The following MYO18A variants were observed in gnomAD, a reference collection of about 807,000 sequenced individuals.
MYO18A encodes myosin XVIIIA.
Under a neutral mutation model 235.8 loss-of-function variants are expected in MYO18A, and 78 were observed. That is an observed-to-expected ratio of 0.33 (90% CI 0.28 to 0.40). The LOEUF (loss-of-function observed/expected upper bound fraction) is 0.40. Ranked by LOEUF, MYO18A falls within the 10% of genes least tolerant of loss-of-function variation. The pLI, the probability that MYO18A is intolerant of heterozygous loss-of-function variation, is 1.00. For missense variants in MYO18A, 2,215 were observed against 2,699.3 expected (o/e 0.82, Z 3.98); for synonymous variants, 977 against 1,077.8 (o/e 0.91, Z 1.83).
At chr17:29,100,477 G>T (rs1392683225) in intron 21 of MYO18A, among the ~76,000 whole-genome samples, 1 of 152,248 alleles carries the variant, frequency 6.6e-6, no homozygotes, top group African/African-American at 2.4e-5. Context: ...CTGTCATACA[G>T]GTTTGGGGGC....
In MYO18A at chr17:29,166,687, C is replaced by G; in HGVS notation, c.254G>C (p.Ser85Thr). ...DLHLTDIDSDSNRGSVILDSG... is the reference protein window; with the variant it reads ...DLHLTDIDSDTNRGSVILDSG... The stretch of plus-strand genomic sequence containing the variant: ...GTCCAGGATGACGCTGCCCCGGTTA[C>G]TATCGGAGTCAATGTCAGTCAGGTG... Residue 85 changes from serine to threonine, a missense_variant, in exon 2 of 42, where the codon AGT becomes ACT. By Grantham distance (58) the Ser-to-Thr change is moderately conservative (BLOSUM62 1). Transcript: ENST00000527372. 1 of 1,613,808 alleles carries G rather than the reference C, an allele frequency of 6.2e-7. No homozygotes were observed. The highest frequency in any genetic ancestry group is 1.1e-5 in the South Asian group (1 of 91,078).
Position 29,117,365 on chromosome 17 carries a change from C to T in MYO18A, c.2038+680G>A, listed in dbSNP as rs2067099054. 6.6e-6 allele frequency among the ~76,000 whole-genome samples: 1 copy of T among 152,152 alleles called. No individual in the cohort carries two copies. The highest frequency in any genetic ancestry group is 2.4e-5 in the African/African-American group (1 of 41,434). ...ATGCAAGAGGAAGATACGGAGCTAC[C>T]CAACCAGTGGAGAAGGGAAGAGGAC... On this transcript the variant is annotated intron_variant, in intron 10 of 41. Transcript: ENST00000527372. This position sits in a 1 kb window ranked among gnomAD's most constrained non-coding sequence, Gnocchi z 4.6.
intron 37 of MYO18A, among the ~76,000 whole-genome samples, chr17:29,089,419 C>CAA (rs56389977): frequency 0.15 from 3,678 of 23,738 alleles, 1,144 homozygotes; most frequent in Middle Eastern, 0.38. Context: ...GACTCTGTCT[C>CAA]AAAAAAAAAA....
At position 29,092,376 on chromosome 17, in the gene MYO18A, C is replaced by T. The variant is rs775216810; in HGVS notation, c.5154G>A (p.Leu1718=). 1.2e-6 allele frequency: 2 copies of T among 1,611,986 alleles called. No individual in the cohort carries two copies. Among genetic ancestry groups the T allele is most frequent in the South Asian group, 1.1e-5 (1 of 91,054 alleles). The part of the protein sequence containing the change: ...AMEVEIEDLH[L]QIDDIAKAKT... ...TGGCTTTGGCGATGTCATCAATCTG[C>T]AGGTGCAGGTCTTCGATCTCCACCT... Residue 1718 remains leucine, a synonymous_variant, in exon 34 of 42, where the codon CTG becomes CTA. Transcript: ENST00000527372.
At chr17:29,128,178 T>G in intron 2 of MYO18A, 1 of 1,149,388 alleles carries the variant, frequency 8.7e-7, no homozygotes, top group Non-Finnish European at 1.1e-6. Flanking sequence ...ACTTCAGGCT[T>G]AGGCGGAGCA....
chr17:29,123,982 A>AGGCTTGCAGTGAGTGAG (rs2067259722), intron 2 of MYO18A, among the ~76,000 whole-genome samples: 1 of 151,828 alleles, frequency 6.6e-6, no homozygotes, highest in African/African-American at 2.4e-5. Context: ...CAGGAGGTGG[A>AGGCTTGCAGTGAGTGAG]GCTTGCAGTG....
intron 15 of MYO18A, among the ~76,000 whole-genome samples, 171 bp downstream of exon 15, chr17:29,113,840 G>C (rs574437775): frequency 6.6e-6 from 1 of 152,320 alleles, no homozygotes; most frequent in East Asian, 1.9e-4. Flanking sequence ...GAGTGCTGAG[G>C]GGCAGAGCCC....
chr17:29,117,959 T>C lies in MYO18A; in HGVS notation c.2038+86A>G, dbSNP rs2067111976. 1 of 1,458,478 alleles carries C rather than the reference T, an allele frequency of 6.9e-7. No individual in the cohort carries two copies. Among genetic ancestry groups the C allele is most frequent in the Non-Finnish European group, 9.3e-7 (1 of 1,078,720 alleles). 90.3% of individuals were successfully genotyped at this position (1,458,478 alleles called of 1,614,324 possible). ...TGTCTCAGAACGGCTAAGTCTGTGC[T>C]GGGCAAGAATAAACTGGGAGTGGGC... On this transcript the variant is annotated intron_variant, in intron 10 of 41. Coordinates refer to ENST00000527372, the MANE Select transcript of MYO18A (RefSeq NM_078471.4). This position sits in a 1 kb window ranked among gnomAD's most constrained non-coding sequence, Gnocchi z 4.6.
At chr17:29,178,706 A>C (rs886274989) in intron 1 of MYO18A, among the ~76,000 whole-genome samples, 1 of 152,180 alleles carries the variant, frequency 6.6e-6, no homozygotes, top group Non-Finnish European at 1.5e-5. Flanking sequence ...AACTTTCAAT[A>C]TCTCCAGATA....
intron 3 of MYO18A, 34 bp downstream of exon 3, chr17:29,122,132 C>A (rs759062538): frequency 4.4e-6 from 7 of 1,600,138 alleles, no homozygotes; most frequent in Non-Finnish European, 6.0e-6. Context: ...ACCAGTGAGT[C>A]CTGACATGTG....
rs1019977387 is a variant in MYO18A, at chr17:29,118,083, G to C, written c.2000C>G (p.Ala667Gly). Residue 667 changes from alanine to glycine, a missense_variant, in exon 10 of 42, where the codon GCT becomes GGT. Transcript: ENST00000527372. The surrounding 1 kb of genome is among the most constrained non-coding windows in gnomAD (Gnocchi z 4.2). ...CGCAGCCCCCAGGTGGTAGATGGCA[G>C]CCAGAATGAACCAGCAGGCCTTCTG... ...DEQKACWFIL[A>G]AIYHLGAAGA... 6.3e-6 allele frequency: 10 copies of C among 1,591,696 alleles called. No individual in the cohort carries two copies. The highest frequency in any genetic ancestry group is 8.6e-6 in the Non-Finnish European group (10 of 1,168,950).
intron 2 of MYO18A, among the ~76,000 whole-genome samples, chr17:29,154,121 T>TGTGTGTGTGTGTGTGTGTGC (rs142430455): frequency 6.7e-6 from 1 of 149,000 alleles, no homozygotes; most frequent in African/African-American, 2.5e-5. Context: ...TGTGTGTGTG[T>TGTGTGTGTGTGTGTGTGTGC]GCGCGCGCGT....
At position 29,090,108 on chromosome 17, in the gene MYO18A, G is replaced by C. The variant is rs370778253; in HGVS notation, c.5389-10C>G. ...TCTGGAGGGCTTGTAGCTAGAGGTG[G>C]GGGACAGGAAGAGAAGAAAGAACTG... On this transcript the variant is annotated splice_polypyrimidine_tract_variant and intron_variant, in intron 36 of 41. Transcript: ENST00000527372. 2.6e-5 allele frequency: 42 copies of C among 1,609,606 alleles called. No individual in the cohort carries two copies. The highest frequency in any genetic ancestry group is 3.5e-5 in the Non-Finnish European group (41 of 1,177,874).
chr17:29,094,241 C>T lies in MYO18A; in HGVS notation c.4711-151G>A, dbSNP rs978113143. On this transcript the variant is annotated intron_variant, in intron 30 of 41. Coordinates refer to ENST00000527372, the MANE Select transcript of MYO18A (RefSeq NM_078471.4). ...CCTTGCTCCCGTGGCAGCAGCTTCT[C>T]CAGAGCAGCTGAACTCCCTTACTAG... 4.7e-6 allele frequency: 3 copies of T among 634,782 alleles called. No homozygotes were observed. The African/African-American group carries it at 5.5e-5, about 12-fold the overall frequency. The allele number at this position is 634,782 out of a possible 1,614,324, so 39.3% of individuals were successfully genotyped here.
At chr17:29,112,217 A>T (rs963930863) in intron 15 of MYO18A, among the ~76,000 whole-genome samples, 2 of 152,086 alleles carry the variant, frequency 1.3e-5, no homozygotes, top group African/African-American at 2.4e-5. Context: ...TGAACCCCAC[A>T]TTGCTCTCAC....
intron 40 of MYO18A, 103 bp downstream of exon 40, chr17:29,085,501 G>T: frequency 1.0e-6 from 1 of 992,860 alleles, no homozygotes; most frequent in Non-Finnish European, 1.6e-6. Context: ...TGGGGAGGCT[G>T]TATCCACATG....
chr17:29,133,752 T>C lies in MYO18A; in HGVS notation c.1000-11499A>G, dbSNP rs1467049449. 17 of 1,266,490 alleles carry C rather than the reference T, an allele frequency of 1.3e-5. 1 individual carries two copies. The East Asian group carries it at 3.9e-4, about 29-fold the overall frequency. The allele number at this position is 1,266,490 out of a possible 1,614,324, so 78.5% of individuals were successfully genotyped here. A position where few individuals can be genotyped will look rare whatever the true frequency, so the allele number is the denominator to read the frequency against. On this transcript the variant is annotated intron_variant, in intron 2 of 41. Coordinates refer to ENST00000527372, the MANE Select transcript of MYO18A (RefSeq NM_078471.4). ...CAGTCTCCTGCCTGCAGATACAACA[T>C]GCCAAGCACACAGGAAAAACATAAA...
chr17:29,164,789 C>T (rs2068244568), intron 2 of MYO18A, among the ~76,000 whole-genome samples: 2 of 152,206 alleles, frequency 1.3e-5, no homozygotes, highest in African/African-American at 2.4e-5. Flanking sequence ...AGCTTGATGC[C>T]CCATGGAGAT....
In MYO18A at chr17:29,178,734, T is replaced by TA. The variant is rs528381689; in HGVS notation, c.-82+1578dup. ...TCCAGATAGAAAGTAGCCCCTGAAC[T>TA]AAAAAGGGTGGGGAACATTAGGCCA... On this transcript the variant is annotated intron_variant, in intron 1 of 41. Transcript: ENST00000527372. Among the ~76,000 whole-genome samples, 26 of 152,164 alleles carry TA rather than the reference T, an allele frequency of 1.7e-4. No homozygotes were observed. The East Asian group carries it at 4.6e-3, about 27-fold the overall frequency.
Sources: gnomAD v4.1 joint callset for allele counts (sites outside exome capture counted in the v4.1 genomes callset) on GRCh38, gnomAD v4.1.1 for gene constraint, Gnocchi (gnomAD v3.1) non-coding constraint, MANE v1.5 for transcripts, NCBI Gene and HGNC (gene_info 2026-07-23, HGNC 2026-07-21) for gene names.